The following EDARADD variants were observed in gnomAD, a reference collection of about 807,000 sequenced individuals.
EDARADD encodes the protein EDAR associated via death domain, also known as ectodysplasin-A receptor-associated adapter protein.
Under a neutral mutation model 25.6 loss-of-function variants are expected in EDARADD, and 20 were observed. The observed-to-expected ratio is 0.78, with a 90% CI of 0.55 to 1.14. EDARADD has a LOEUF of 1.14. Ranked by LOEUF, EDARADD falls within the 50% of genes most tolerant of loss-of-function variation. The pLI is 0.00. For synonymous variants in EDARADD, 86 were observed against 94.4 expected, an observed-to-expected ratio of 0.91 and a Z score of 0.52; for missense variants, 225 against 270.1, an observed-to-expected ratio of 0.83 and a Z score of 1.17.
At chr1:236,474,250 T>C (rs1203340285) in intron 5 of EDARADD, among the ~76,000 whole-genome samples, 1 of 152,216 alleles carries the variant, frequency 6.6e-6, no homozygotes, top group East Asian at 1.9e-4. Context: ...CTGTGTTCAT[T>C]GTCACTTCAT....
intron 1 of EDARADD, 129 bp from the exon 2 acceptor site, chr1:236,409,087 A>AAT: frequency 4.4e-6 from 2 of 456,894 alleles, no homozygotes; most frequent in Non-Finnish European, 7.8e-6. Flanking sequence ...AAAAAAAAAA[A>AAT]GGAGTAAGGT....
chr1:236,424,299 C>T (rs1229940733), intron 3 of EDARADD, among the ~76,000 whole-genome samples: 3 of 151,264 alleles, frequency 2.0e-5, no homozygotes, highest in Non-Finnish European at 2.9e-5. Flanking sequence ...ATAGCTGGGA[C>T]GATAGGCATG....
chr1:236,462,018 A>G (rs898577604), intron 4 of EDARADD, among the ~76,000 whole-genome samples: 2 of 152,192 alleles, frequency 1.3e-5, no homozygotes, highest in African/African-American at 4.8e-5. Context: ...CATAGTCTAC[A>G]AAATAGACAG....
Position 236,483,563 on chromosome 1 carries a change from C to A in EDARADD, c.*914C>A. On this transcript the variant is annotated 3_prime_UTR_variant, in exon 6 of 6. Coordinates refer to ENST00000334232, the MANE Select transcript of EDARADD (RefSeq NM_145861.4). ...AGAAGGGGGTTCCCCTGTACCACCA[C>A]ATCGCCGACTTGTCTGGCAACTCCA... 1 of 1,279,658 alleles carries A rather than the reference C, an allele frequency of 7.8e-7. No individual in the cohort carries two copies. Among genetic ancestry groups the A allele is most frequent in the Non-Finnish European group, 1.1e-6 (1 of 877,554 alleles). The allele number at this position is 1,279,658 out of a possible 1,614,324, so 79.3% of individuals were successfully genotyped here.
chr1:236,363,006 A>AATATATATATATATATATATATATATAT (rs1184705463), intron 3 of EDARADD, among the ~76,000 whole-genome samples: 2 of 42,950 alleles, frequency 4.7e-5, no homozygotes, highest in Non-Finnish European at 7.6e-5. Flanking sequence ...AAAAAAAAAA[A>AATATATATATATATATATATATATATAT]ATATATATAT....
intron 3 of EDARADD, among the ~76,000 whole-genome samples, chr1:236,369,488 C>CT (rs550258031): frequency 5.1e-4 from 78 of 152,304 alleles, no homozygotes; most frequent in African/African-American, 1.9e-3. Context: ...AGGAAGCCGT[C>CT]TAAGATTTCC....
intron 4 of EDARADD, among the ~76,000 whole-genome samples, chr1:236,445,861 A>G (rs1658522895): frequency 6.6e-6 from 1 of 152,096 alleles, no homozygotes; most frequent in African/African-American, 2.4e-5. Flanking sequence ...TTCTGTCTTC[A>G]GGCTCCCCCC....
At chr1:236,421,419 A>G (rs1390662139) in intron 3 of EDARADD, among the ~76,000 whole-genome samples, 3 of 139,732 alleles carry the variant, frequency 2.1e-5, no homozygotes, top group Admixed American at 7.6e-5. Flanking sequence ...TTGTTTGGCT[A>G]GGGGACTTTG....
At chr1:236,378,327 TCTA>T (rs1434338543) in intron 3 of EDARADD, among the ~76,000 whole-genome samples, 8 of 152,286 alleles carry the variant, frequency 5.3e-5, no homozygotes, top group African/African-American at 1.7e-4. Context: ...TGGGGGAGCT[TCTA>T]AGGTGAATAC....
At chr1:236,455,925 G>T (rs1658848377) in intron 4 of EDARADD, among the ~76,000 whole-genome samples, 1 of 152,154 alleles carries the variant, frequency 6.6e-6, no homozygotes, top group African/African-American at 2.4e-5. Context: ...GAATAGCTGG[G>T]ACTACAGGCG....
intron 4 of EDARADD, among the ~76,000 whole-genome samples, chr1:236,462,629 G>C (rs1275559901): frequency 1.3e-5 from 2 of 152,208 alleles, no homozygotes; most frequent in African/African-American, 4.8e-5. Context: ...AGAGGCAACT[G>C]TTCCTTAGTA....
chr1:236,430,320 A>AT, intron 4 of EDARADD, among the ~76,000 whole-genome samples: 1 of 152,314 alleles, frequency 6.6e-6, no homozygotes, highest in Non-Finnish European at 1.5e-5. Context: ...CATAATCCTA[A>AT]TTTTTAAACA....
chr1:236,445,831 C>T (rs1015705405), intron 4 of EDARADD, among the ~76,000 whole-genome samples: 2 of 152,116 alleles, frequency 1.3e-5, no homozygotes, highest in African/African-American at 2.4e-5. Context: ...TCCAGAAGAA[C>T]GAAGGTGGGA....
At chr1:236,391,952 C>T (rs914162474), upstream of EDARADD, among the ~76,000 whole-genome samples, 3 of 152,302 alleles carry the variant, frequency 2.0e-5, no homozygotes, top group East Asian at 5.8e-4. Flanking sequence ...TTCCATACAT[C>T]TTCAGTGCCT....
intron 4 of EDARADD, among the ~76,000 whole-genome samples, chr1:236,457,978 C>T (rs1413988260): frequency 6.6e-6 from 1 of 152,230 alleles, no homozygotes; most frequent in African/African-American, 2.4e-5. Context: ...AATGGCTTCT[C>T]TTCTCATTAC....
At chr1:236,413,142 G>T (rs1191336267) in intron 2 of EDARADD, among the ~76,000 whole-genome samples, 4 of 152,230 alleles carry the variant, frequency 2.6e-5, no homozygotes, top group Admixed American at 6.5e-5. Context: ...GGGATTACAG[G>T]CGTGAGCCAC....
At chr1:236,473,505 T>C (rs1482761319) in intron 5 of EDARADD, among the ~76,000 whole-genome samples, 2 of 152,076 alleles carry the variant, frequency 1.3e-5, no homozygotes, top group Non-Finnish European at 2.9e-5. Flanking sequence ...TAGCCAGGTG[T>C]GGTGGCTCAC....
intron 4 of EDARADD, among the ~76,000 whole-genome samples, chr1:236,430,807 T>C (rs1439161217): frequency 6.6e-6 from 1 of 152,198 alleles, no homozygotes; most frequent in Non-Finnish European, 1.5e-5. Flanking sequence ...CACTCCATTC[T>C]ATAGTTCAGA....
intron 4 of EDARADD, among the ~76,000 whole-genome samples, chr1:236,454,265 G>A (rs953239506): frequency 1.3e-5 from 2 of 152,114 alleles, no homozygotes; most frequent in Non-Finnish European, 2.9e-5. Flanking sequence ...AGCCAAGATG[G>A]TCTCGATCTC....
Sources: allele counts gnomAD v4.1 joint callset (sites outside exome capture counted in the v4.1 genomes callset), GRCh38; gene constraint gnomAD v4.1.1; transcripts MANE v1.5; gene names NCBI Gene and HGNC (gene_info 2026-07-23, HGNC 2026-07-21).